MARCHF7: variants seen among roughly 807,000 people sequenced by gnomAD.
MARCHF7 encodes the protein E3 ubiquitin-protein ligase MARCHF7.
Under a neutral mutation model 76.5 loss-of-function variants are expected in MARCHF7, and 20 were observed. That is an observed-to-expected ratio of 0.26 (90% CI 0.18 to 0.38). The LOEUF (loss-of-function observed/expected upper bound fraction) is 0.38. MARCHF7 is among the 10% of genes least tolerant of loss of function. The probability of loss-of-function intolerance (pLI) is 1.00; values close to 1 mark genes in which losing one functional copy is unlikely to be tolerated. For synonymous variants in MARCHF7, 295 were observed against 293.0 expected (o/e 1.01, Z -0.07); for missense variants, 797 against 812.9 (o/e 0.98, Z 0.24).
At chr2:159,767,247 T>G in intron 11 of MARCHF7, 37 bp from the exon 12 acceptor site, 1 of 1,522,280 alleles carries the variant, frequency 6.6e-7, no homozygotes, top group Non-Finnish European at 9.1e-7. Flanking sequence ...TTATCCCCCT[T>G]AAAATCATTC....
Position 159,752,521 on chromosome 2 carries a change from A to G in MARCHF7, c.1733A>G (p.Tyr578Cys), listed in dbSNP as rs772271834. The stretch of plus-strand genomic sequence containing the variant: ...TGCAAGTGCACAGGAAGTTTGCAGT[A>G]TGTCCACCAAGACTGTATGAAAAAG... ...EPCKCTGSLQ[Y>C]VHQDCMKKWL... Residue 578 changes from tyrosine to cysteine, a missense_variant, in exon 8 of 12, where the codon TAT becomes TGT. Transcript: ENST00000409175. 1.9e-6 allele frequency: 3 copies of G among 1,599,916 alleles called. No individual in the cohort carries two copies. The highest frequency in any genetic ancestry group is 8.5e-7 in the Non-Finnish European group (1 of 1,174,056).
chr2:159,752,534 C>T lies in MARCHF7; in HGVS notation c.1746C>T (p.Asp582=), dbSNP rs906679651. Reference sequence around the variant, plus strand: ...GAAGTTTGCAGTATGTCCACCAAGACTGTATGAAAAAGTGGTTACAGGCCA... The same window carrying T: ...GAAGTTTGCAGTATGTCCACCAAGATTGTATGAAAAAGTGGTTACAGGCCA... ...CTGSLQYVHQ[D]CMKKWLQAKI... is the part of the protein sequence containing the mutation. The change falls in exon 8 of 12, where the codon GAC becomes GAT. Residue 582 remains aspartate (D), a synonymous_variant. Coordinates refer to ENST00000409175, the MANE Select transcript of MARCHF7 (RefSeq NM_001282805.2). 2 of 1,559,314 alleles carry T rather than the reference C, an allele frequency of 1.3e-6. No homozygotes were observed. The highest frequency in any genetic ancestry group is 2.0e-5 in the Admixed American group (1 of 49,022).
rs546641272 is a variant in MARCHF7 at position 159,769,219 on chromosome 2, G to A, written c.*1877G>A. On this transcript the variant is annotated 3_prime_UTR_variant, in exon 12 of 12. Coordinates refer to ENST00000409175, the MANE Select transcript of MARCHF7 (RefSeq NM_001282805.2). ...CCAAAGAATTATATTGTTATTACTA[G>A]CTAGAACCAAGATGTTGAAGAAAGC... 1 of 152,264 alleles carries A rather than the reference G, an allele frequency of 6.6e-6. No individual in the cohort carries two copies. Among genetic ancestry groups the A allele is most frequent in the South Asian group, 2.1e-4 (1 of 4,826 alleles). 9.4% of individuals were successfully genotyped at this position (152,264 alleles called of 1,614,324 possible).
rs374155250 is a variant in MARCHF7, at chr2:159,717,013, G to T, written c.-15+1247G>T. ...CTTACTCCTCATGTACCAGCATTCA[G>T]CTGGAGGATTTCCCTGGCTGGGAGA... On this transcript the variant is annotated intron_variant, in intron 3 of 11. Transcript: ENST00000409175. 3.3e-5 allele frequency among the ~76,000 whole-genome samples: 5 copies of T among 152,328 alleles called. No homozygotes were observed. The South Asian group carries it at 1.0e-3, about 32-fold the overall frequency.
intron 7 of MARCHF7, among the ~76,000 whole-genome samples, chr2:159,750,949 G>T (rs185481642): frequency 3.3e-5 from 5 of 152,276 alleles, no homozygotes; most frequent in African/African-American, 1.2e-4. Flanking sequence ...GAGATGTTGG[G>T]CATTGGGCTA....
Position 159,767,818 on chromosome 2 carries a change from T to C in MARCHF7, c.*476T>C, listed in dbSNP as rs928345284. Reference sequence around the variant, plus strand: ...AGTTGCAGTCTCATTTTGATAATCATTTGCTTCCAGTGTTTAAAAATTAAA... The same window carrying C: ...AGTTGCAGTCTCATTTTGATAATCACTTGCTTCCAGTGTTTAAAAATTAAA... On this transcript the variant is annotated 3_prime_UTR_variant, in exon 12 of 12. Coordinates refer to ENST00000409175, the MANE Select transcript of MARCHF7 (RefSeq NM_001282805.2). 1 of 152,536 alleles carries C rather than the reference T, an allele frequency of 6.6e-6. No homozygotes were observed. Among genetic ancestry groups the C allele is most frequent in the African/African-American group, 2.4e-5 (1 of 41,420 alleles). The allele number at this position is 152,536 out of a possible 1,614,324, so 9.4% of individuals were successfully genotyped here.
chr2:159,738,548 G>T (rs181785858), intron 4 of MARCHF7, among the ~76,000 whole-genome samples: 11 of 152,288 alleles, frequency 7.2e-5, no homozygotes, highest in Admixed American at 2.0e-4. Context: ...CCCAAAGTGG[G>T]TGGCTCCTTT....
chr2:159,745,206 T>G (rs1383264202), intron 5 of MARCHF7, among the ~76,000 whole-genome samples: 1 of 152,212 alleles, frequency 6.6e-6, no homozygotes, highest in East Asian at 1.9e-4. Context: ...ATTGAGACAT[T>G]GACATTGTGT....
At position 159,750,802 on chromosome 2, in the gene MARCHF7, T is replaced by A. The variant is rs938097997; in HGVS notation, c.1614-1600T>A. Among the ~76,000 whole-genome samples, 236 of 152,268 alleles carry A rather than the reference T, an allele frequency of 1.5e-3. 1 individual carries two copies. The highest frequency in any genetic ancestry group is 3.0e-3 in the Admixed American group (46 of 15,294). On this transcript the variant is annotated intron_variant, in intron 7 of 11. Transcript: ENST00000409175. ...ATAAAGTTAATGTTGTGGGATTTTTTTTTTCTTTTTCACAAAGGCCTAATA... is the reference window on the plus strand; with the variant it reads ...ATAAAGTTAATGTTGTGGGATTTTTATTTTCTTTTTCACAAAGGCCTAATA...
intron 3 of MARCHF7, among the ~76,000 whole-genome samples, chr2:159,717,843 T>C (rs1307151448): frequency 6.6e-6 from 1 of 152,228 alleles, no homozygotes; most frequent in Non-Finnish European, 1.5e-5. Flanking sequence ...GCTATTTCTT[T>C]CCAGTTGTTT....
intron 3 of MARCHF7, 34 bp from the exon 4 acceptor site, chr2:159,728,975 C>T (rs1351840683): frequency 1.4e-6 from 2 of 1,394,310 alleles, no homozygotes; most frequent in Non-Finnish European, 1.9e-6. Context: ...TCATATTTTC[C>T]CAAAGGCAAT....
At chr2:159,729,246 T>C (rs1400408192) in intron 4 of MARCHF7, 71 bp downstream of exon 4, 4 of 1,132,150 alleles carry the variant, frequency 3.5e-6, no homozygotes, top group Non-Finnish European at 1.2e-6. Context: ...TTTGGGGGTA[T>C]TTAAAAAATG....
rs1560016163 is a variant in MARCHF7 at position 159,748,264 on chromosome 2, A to G, written c.974A>G (p.Gln325Arg). The G allele has an allele frequency of 6.2e-7, 1 of 1,613,734 alleles. No individual in the cohort carries two copies. The highest frequency in any genetic ancestry group is 2.2e-5 in the East Asian group (1 of 44,878). The change falls in exon 7 of 12, where the codon CAG becomes CGG. Residue 325 changes from glutamine to arginine, a missense_variant. Physicochemically the swap from Gln to Arg is conservative, Grantham distance 43. Transcript: ENST00000409175. ...YVSPRILTASQSRSNVPSASE... is the reference protein window; with the variant it reads ...YVSPRILTASRSRSNVPSASE... ...TCTCCAAGAATCTTGACAGCTTCACAGTCCCGTAGTAATGTACCATCAGCT... is the reference window on the plus strand; with the variant it reads ...TCTCCAAGAATCTTGACAGCTTCACGGTCCCGTAGTAATGTACCATCAGCT...
rs1704119466 is a variant in MARCHF7, at chr2:159,741,474, C to G, written c.154-1587C>G. Among the ~76,000 whole-genome samples, 3 of 151,974 alleles carry G rather than the reference C, an allele frequency of 2.0e-5. No homozygotes were observed. The South Asian group carries it at 6.2e-4, about 31-fold the overall frequency. ...TTCAGTTACCATCTTTGACTCTTCC[C>G]CTGTGTCCTTCAAACATAGTTAGGG... On this transcript the variant is annotated intron_variant, in intron 4 of 11. Transcript: ENST00000409175.
rs1705224726 is a variant in MARCHF7, at chr2:159,748,873, A to G, written c.1583A>G (p.Asp528Gly). Residue 528 changes from aspartate (D) to glycine (G), a missense_variant, in exon 7 of 12, where the codon GAT (aspartate) becomes GGT (glycine). Physicochemically the swap from Asp to Gly is moderately conservative, Grantham distance 94. This residue lies in a region of MARCHF7 where 643 missense variants were observed against 631.5 expected (regional missense o/e 1.02). Coordinates refer to ENST00000409175, the MANE Select transcript of MARCHF7 (RefSeq NM_001282805.2). ...AAAACTAAAAGTGCGCCTTCAAGAG[A>G]TCCAGAAAGATTGCAGAAAATAAAA... ...SDKTKSAPSR[D>G]PERLQKIKES... 1 of 1,608,782 alleles carries G rather than the reference A, an allele frequency of 6.2e-7. No individual in the cohort carries two copies. The highest frequency in any genetic ancestry group is 8.5e-7 in the Non-Finnish European group (1 of 1,177,890).
chr2:159,721,727 G>A (rs1031735159), intron 3 of MARCHF7, among the ~76,000 whole-genome samples: 2 of 152,184 alleles, frequency 1.3e-5, no homozygotes, highest in Non-Finnish European at 2.9e-5. Flanking sequence ...ACTTGTTGAT[G>A]AGGAACATGA....
intron 5 of MARCHF7, among the ~76,000 whole-genome samples, chr2:159,745,421 G>A (rs1010047096): frequency 6.6e-6 from 1 of 152,144 alleles, no homozygotes. Context: ...TTGGGAGGCC[G>A]GGGTGGGCGG....
At chr2:159,753,542 C>T (rs1705922310) in intron 8 of MARCHF7, among the ~76,000 whole-genome samples, 1 of 134,422 alleles carries the variant, frequency 7.4e-6, no homozygotes, top group Non-Finnish European at 1.6e-5. Context: ...CAGAGCGAGA[C>T]TCCATGTCAA....
chr2:159,748,531 C>T lies in MARCHF7; in HGVS notation c.1241C>T (p.Thr414Ile). 1 of 1,614,122 alleles carries T rather than the reference C, an allele frequency of 6.2e-7. No individual in the cohort carries two copies. The change falls in exon 7 of 12, where the codon ACC (threonine) becomes ATC (isoleucine). Residue 414 changes from threonine (T) to isoleucine (I), a missense_variant. Thr to Ile is a moderately conservative substitution (Grantham distance 89, BLOSUM62 -1). Around this residue, in one of 3 missense-constraint regions of MARCHF7, gnomAD observed 643 missense variants for 631.5 expected, o/e 1.02. Coordinates refer to ENST00000409175, the MANE Select transcript of MARCHF7 (RefSeq NM_001282805.2). ...AGAGATGAATCTTCAAGGATACCTA[C>T]CTCTGATACATCATCTAGATCTCAT... ...EGRDESSRIP[T>I]SDTSSRSHIF... is the part of the protein sequence containing the mutation.
Sources: allele counts gnomAD v4.1 joint callset (sites outside exome capture counted in the v4.1 genomes callset), GRCh38; gene constraint gnomAD v4.1.1; regional missense constraint gnomAD v4.1.1; transcripts MANE v1.5; gene names NCBI Gene and HGNC (gene_info 2026-07-23, HGNC 2026-07-21).